Variants in IQCH observed in about 807,000 individuals in gnomAD.
The protein encoded by IQCH is IQ domain-containing protein H.
IQCH carries 98 observed loss-of-function variants against 117.0 expected under a neutral mutation model. That is an observed-to-expected ratio of 0.84 (90% CI 0.71 to 0.99). IQCH has a LOEUF of 0.99. Among genes scored for constraint, IQCH ranks in the 50% least tolerant of loss-of-function variants. IQCH has a pLI of 0.00. For synonymous variants in IQCH, 412 were observed against 448.2 expected (o/e 0.92, Z 1.02); for missense variants, 1,102 against 1,243.8 (o/e 0.89, Z 1.72).
chr15:67,342,416 A>G lies in IQCH; in HGVS notation c.509-1647A>G, dbSNP rs1199029611. ...CTTAATTTTTTCCTTCCAATAGTAG[A>G]TGGGCACACATATGTGTTTGTCTGA... On this transcript the variant is annotated intron_variant, in intron 5 of 20. Transcript: ENST00000335894. The surrounding 1 kb of genome is among the most constrained non-coding windows in gnomAD (Gnocchi z 4.7). Among the ~76,000 whole-genome samples, 1 of 152,070 alleles carries G rather than the reference A, an allele frequency of 6.6e-6. No homozygotes were observed. The highest frequency in any genetic ancestry group is 1.5e-5 in the Non-Finnish European group (1 of 68,010).
chr15:67,408,302 C>T lies in IQCH; in HGVS notation c.2097+7997C>T, dbSNP rs1331597792. 1 of 152,226 alleles carries T rather than the reference C, an allele frequency of 6.6e-6. No homozygotes were observed. The highest frequency in any genetic ancestry group is 1.5e-5 in the Non-Finnish European group (1 of 68,048). The allele number at this position is 152,226 out of a possible 1,614,324, so 9.4% of individuals were successfully genotyped here. On this transcript the variant is annotated intron_variant, in intron 14 of 20. Coordinates refer to ENST00000335894, the MANE Select transcript of IQCH (RefSeq NM_001031715.3). This position sits in a 1 kb window ranked among gnomAD's most constrained non-coding sequence, Gnocchi z 4.2. ...GAACCGTTTCAGAATGAGTTTTACT[C>T]TCCTCTGACGGTGACTGCGCCATTT...
chr15:67,409,847 T>C (rs1052316369), intron 14 of IQCH, among the ~76,000 whole-genome samples: 1 of 152,248 alleles, frequency 6.6e-6, no homozygotes, highest in African/African-American at 2.4e-5. Flanking sequence ...GCAGCATAAT[T>C]TTCCATCTCA....
In IQCH at chr15:67,371,643, A is replaced by T. The variant is rs552146410; in HGVS notation, c.754-468A>T. On this transcript the variant is annotated intron_variant, in intron 8 of 20. Coordinates refer to ENST00000335894, the MANE Select transcript of IQCH (RefSeq NM_001031715.3). ...AAGTGATGATCTTTTATGAAGTCAGAAACAATTTTTAACGGGCACATTTGA... is the reference window on the plus strand; with the variant it reads ...AAGTGATGATCTTTTATGAAGTCAGTAACAATTTTTAACGGGCACATTTGA... 44 of 689,458 alleles carry T rather than the reference A, an allele frequency of 6.4e-5. No homozygotes were observed. In the African/African-American group the frequency reaches 7.9e-4, roughly 12 times the overall value. 42.7% of individuals were successfully genotyped at this position (689,458 alleles called of 1,614,324 possible). A position where few individuals can be genotyped will look rare whatever the true frequency, so the allele number is the denominator to read the frequency against.
At chr15:67,421,985 G>C (rs1046516769) in intron 16 of IQCH, among the ~76,000 whole-genome samples, 12 of 152,038 alleles carry the variant, frequency 7.9e-5, no homozygotes, top group African/African-American at 2.9e-4. Flanking sequence ...TGTAATTCCA[G>C]CTACTTGGGA....
At chr15:67,313,906 C>T (rs870528) in intron 4 of IQCH, among the ~76,000 whole-genome samples, 5 of 152,140 alleles carry the variant, frequency 3.3e-5, no homozygotes, top group Non-Finnish European at 7.4e-5. Flanking sequence ...GGCTATAAAG[C>T]AATAGTACTT....
At chr15:67,396,745 T>G (rs1353330537) in intron 13 of IQCH, among the ~76,000 whole-genome samples, 4 of 152,210 alleles carry the variant, frequency 2.6e-5, no homozygotes, top group Non-Finnish European at 5.9e-5. Flanking sequence ...GATCCCCTCC[T>G]ACTCTCAGTT....
intron 19 of IQCH, among the ~76,000 whole-genome samples, chr15:67,492,397 G>C (rs2083681480): frequency 6.6e-6 from 1 of 152,182 alleles, no homozygotes; most frequent in Admixed American, 6.5e-5. Flanking sequence ...CATAGGATGA[G>C]GCTGGGAGAG....
rs2081497093 is a variant in IQCH at position 67,413,314 on chromosome 15, C to T, written c.2098-3617C>T. On this transcript the variant is annotated intron_variant, in intron 14 of 20. Transcript: ENST00000335894. The surrounding 1 kb of genome is among the most constrained non-coding windows in gnomAD (Gnocchi z 5.0). Reference sequence around the variant, plus strand: ...GGGACCTTGTTGCTTCTTGGGAAAACAGTGTTCTTAGCTTGTTAAACCACT... The same window carrying T: ...GGGACCTTGTTGCTTCTTGGGAAAATAGTGTTCTTAGCTTGTTAAACCACT... Among the ~76,000 whole-genome samples, 1 of 152,128 alleles carries T rather than the reference C, an allele frequency of 6.6e-6. No homozygotes were observed. Among genetic ancestry groups the T allele is most frequent in the African/African-American group, 2.4e-5 (1 of 41,412 alleles).
At chr15:67,363,181 A>G (rs1053581510) in intron 8 of IQCH, among the ~76,000 whole-genome samples, 1 of 152,170 alleles carries the variant, frequency 6.6e-6, no homozygotes, top group Non-Finnish European at 1.5e-5. Flanking sequence ...AGACACGGAA[A>G]AAAAAACAAA....
At chr15:67,331,006 G>T (rs1045197004) in intron 4 of IQCH, among the ~76,000 whole-genome samples, 3 of 152,164 alleles carry the variant, frequency 2.0e-5, no homozygotes, top group Admixed American at 6.5e-5. Flanking sequence ...ATGTTGCTGG[G>T]AGAGATCACA....
chr15:67,258,733 A>C (rs1030826795), intron 1 of IQCH, among the ~76,000 whole-genome samples: 3 of 152,154 alleles, frequency 2.0e-5, no homozygotes, highest in Non-Finnish European at 4.4e-5. Flanking sequence ...TCTGTCTCCA[A>C]ATTGTCAAAA....
chr15:67,306,267 G>C (rs190748239), intron 4 of IQCH, among the ~76,000 whole-genome samples: 1 of 152,174 alleles, frequency 6.6e-6, no homozygotes, highest in Admixed American at 6.5e-5. Context: ...AGCATTTGGG[G>C]ATAAATGCAG....
rs1178011947 is a variant in IQCH, at chr15:67,426,730, T to G, written c.2505+5153T>G. On this transcript the variant is annotated intron_variant, in intron 16 of 20. Coordinates refer to ENST00000335894, the MANE Select transcript of IQCH (RefSeq NM_001031715.3). The surrounding 1 kb of genome is among the most constrained non-coding windows in gnomAD (Gnocchi z 5.1). ...GGCTCATGCCTGTAATCCCAGCACT[T>G]TGGGAGGCTGAGGCAGGAGAATTGC... 6.6e-6 allele frequency among the ~76,000 whole-genome samples: 1 copy of G among 152,070 alleles called. No individual in the cohort carries two copies. The highest frequency in any genetic ancestry group is 2.4e-5 in the African/African-American group (1 of 41,410).
chr15:67,487,499 A>T (rs2083523005), intron 18 of IQCH, among the ~76,000 whole-genome samples: 1 of 152,084 alleles, frequency 6.6e-6, no homozygotes, highest in Admixed American at 6.6e-5. Flanking sequence ...CAATATTTTA[A>T]CAATCAAAAT....
At chr15:67,420,156 G>T (rs1355150949) in intron 15 of IQCH, among the ~76,000 whole-genome samples, 1 of 152,214 alleles carries the variant, frequency 6.6e-6, no homozygotes, top group Non-Finnish European at 1.5e-5. Flanking sequence ...ATTAGGATTT[G>T]AATATGTACA....
At chr15:67,477,044 C>CTTTTTTTTTTTTTTTTT (rs71455553) in intron 18 of IQCH, among the ~76,000 whole-genome samples, 15 of 71,150 alleles carry the variant, frequency 2.1e-4, no homozygotes, top group Admixed American at 4.1e-4. Flanking sequence ...TCTTTTTCTT[C>CTTTTTTTTTTTTTTTTT]TTTTTTTTTT....
In IQCH at chr15:67,395,611, C is replaced by T. The variant is rs1157847000; in HGVS notation, c.1905+48C>T. ...GCTCTGTTCAAATATTTGAAACATC[C>T]TCTTGATCTTGGACAATTTCCAAGT... On this transcript the variant is annotated intron_variant, in intron 13 of 20. Coordinates refer to ENST00000335894, the MANE Select transcript of IQCH (RefSeq NM_001031715.3). The surrounding 1 kb of genome is among the most constrained non-coding windows in gnomAD (Gnocchi z 4.0). The T allele has an allele frequency of 6.4e-7, 1 of 1,572,562 alleles. No homozygotes were observed.
At chr15:67,378,875 G>A (rs1048666077) in intron 10 of IQCH, among the ~76,000 whole-genome samples, 1 of 152,056 alleles carries the variant, frequency 6.6e-6, no homozygotes, top group Admixed American at 6.5e-5. Flanking sequence ...TGGTTCTCAG[G>A]ACCCCTTTAC....
intron 20 of IQCH, among the ~76,000 whole-genome samples, chr15:67,495,132 A>G (rs1247896938): frequency 6.6e-6 from 1 of 152,182 alleles, no homozygotes; most frequent in Non-Finnish European, 1.5e-5. Flanking sequence ...TTTTTCTCCT[A>G]AATGGAAAGT....
Sources: gnomAD v4.1 joint callset for allele counts (sites outside exome capture counted in the v4.1 genomes callset) on GRCh38, gnomAD v4.1.1 for gene constraint, Gnocchi (gnomAD v3.1) non-coding constraint, MANE v1.5 for transcripts, NCBI Gene and HGNC (gene_info 2026-07-23, HGNC 2026-07-21) for gene names.